Variants in BMP6 observed in about 807,000 individuals in gnomAD.
BMP6 encodes the protein VG-1-R.
Under a neutral mutation model 54.1 loss-of-function variants are expected in BMP6, and 17 were observed. The observed-to-expected ratio is 0.31, with a 90% CI of 0.22 to 0.47. BMP6 has a LOEUF of 0.47. Ranked by LOEUF, BMP6 falls within the 20% of genes least tolerant of loss-of-function variation. BMP6 has a pLI of 1.00. For missense variants in BMP6, 720 were observed against 690.4 expected, an observed-to-expected ratio of 1.04 and a Z score of -0.48; for synonymous variants, 328 against 291.2, an observed-to-expected ratio of 1.13 and a Z score of -1.28.
intron 1 of BMP6, among the ~76,000 whole-genome samples, chr6:7,747,217 G>C (rs1337337440): frequency 1.3e-5 from 2 of 152,224 alleles, no homozygotes; most frequent in Non-Finnish European, 2.9e-5. Context: ...CGTGGGCTTC[G>C]CCTCCTGGTG....
intron 4 of BMP6, among the ~76,000 whole-genome samples, chr6:7,872,367 A>G (rs1440400151): frequency 1.3e-5 from 2 of 152,186 alleles, no homozygotes; most frequent in Non-Finnish European, 2.9e-5. Flanking sequence ...GGCAGACACA[A>G]GTATTCCAAG....
chr6:7,827,399 T>C (rs755860187), intron 1 of BMP6, among the ~76,000 whole-genome samples: 1 of 152,226 alleles, frequency 6.6e-6, no homozygotes, highest in Non-Finnish European at 1.5e-5. Flanking sequence ...TCTCTGGTGC[T>C]ACACCAATAA....
rs1757600038 is a variant in BMP6, at chr6:7,760,731, G to A, written c.664+33112G>A. Among the ~76,000 whole-genome samples, 2 of 152,196 alleles carry A rather than the reference G, an allele frequency of 1.3e-5. 1 individual carries two copies. The highest frequency in any genetic ancestry group is 4.1e-4 in the South Asian group (2 of 4,834). ...GATCTGCCTGCCTTAGCCTCCCAAA[G>A]TGCGGGGATTACAGGCGTGAGCCAC... On this transcript the variant is annotated intron_variant, in intron 1 of 6. Coordinates refer to ENST00000283147, the MANE Select transcript of BMP6 (RefSeq NM_001718.6).
chr6:7,860,185 G>C (rs1342149640), intron 2 of BMP6, among the ~76,000 whole-genome samples: 1 of 152,204 alleles, frequency 6.6e-6, no homozygotes, highest in Non-Finnish European at 1.5e-5. Flanking sequence ...GGTGGAGACC[G>C]TGACACTCTG....
chr6:7,858,566 G>A (rs1054193296), intron 2 of BMP6, among the ~76,000 whole-genome samples: 1 of 151,796 alleles, frequency 6.6e-6, no homozygotes, highest in Non-Finnish European at 1.5e-5. Context: ...GATATGTGAC[G>A]GCTAAGGACC....
intron 4 of BMP6, among the ~76,000 whole-genome samples, chr6:7,870,042 A>C (rs1166858330): frequency 1.3e-5 from 2 of 151,932 alleles, no homozygotes; most frequent in Non-Finnish European, 2.9e-5. Flanking sequence ...GGACAAGAAG[A>C]CTCCATCACT....
intron 2 of BMP6, among the ~76,000 whole-genome samples, chr6:7,857,167 T>C (rs1759254801): frequency 6.6e-6 from 1 of 152,216 alleles, no homozygotes; most frequent in African/African-American, 2.4e-5. Context: ...GGGATAAATC[T>C]TGCCCACAAA....
At chr6:7,780,108 A>G (rs150577890) in intron 1 of BMP6, among the ~76,000 whole-genome samples, 1 of 152,306 alleles carries the variant, frequency 6.6e-6, no homozygotes, top group East Asian at 1.9e-4. Context: ...ACTTCACTGT[A>G]GTGCTCATTT....
chr6:7,766,873 A>G (rs979878590), intron 1 of BMP6, among the ~76,000 whole-genome samples: 5 of 152,260 alleles, frequency 3.3e-5, no homozygotes, highest in East Asian at 1.9e-4. Flanking sequence ...AAAAGAATCA[A>G]ATACCTTCAG....
chr6:7,727,657 C>A, intron 1 of BMP6, 38 bp downstream of exon 1: 1 of 1,478,166 alleles, frequency 6.8e-7, no homozygotes, highest in Non-Finnish European at 8.9e-7. Context: ...AGAACATTTC[C>A]CCCTTTTCAG....
chr6:7,767,319 A>G (rs2113150039), intron 1 of BMP6, among the ~76,000 whole-genome samples: 1 of 152,310 alleles, frequency 6.6e-6, no homozygotes, highest in Middle Eastern at 3.4e-3. Flanking sequence ...TGTGCTTTTT[A>G]TAAAAGATAG....
At chr6:7,784,617 C>A (rs1757996292) in intron 1 of BMP6, among the ~76,000 whole-genome samples, 1 of 152,082 alleles carries the variant, frequency 6.6e-6, no homozygotes, top group African/African-American at 2.4e-5. Flanking sequence ...ACACATTTGG[C>A]AAAATTCATT....
At chr6:7,856,665 C>G (rs1022621199) in intron 2 of BMP6, among the ~76,000 whole-genome samples, 1 of 128,164 alleles carries the variant, frequency 7.8e-6, no homozygotes, top group Non-Finnish European at 1.6e-5. Flanking sequence ...GGCGGGATCT[C>G]GGCTCACTGC....
At chr6:7,843,779 C>T (rs998773837) in intron 1 of BMP6, among the ~76,000 whole-genome samples, 1 of 152,170 alleles carries the variant, frequency 6.6e-6, no homozygotes, top group African/African-American at 2.4e-5. Context: ...ACTTTTCTCA[C>T]ACAGGACTTT....
At chr6:7,838,847 C>G (rs1365168798) in intron 1 of BMP6, among the ~76,000 whole-genome samples, 1 of 149,150 alleles carries the variant, frequency 6.7e-6, no homozygotes, top group Non-Finnish European at 1.5e-5. Flanking sequence ...GAGGCTGAGG[C>G]AGGAGAATGG....
At chr6:7,777,335 G>A (rs1275232962) in intron 1 of BMP6, among the ~76,000 whole-genome samples, 3 of 152,224 alleles carry the variant, frequency 2.0e-5, no homozygotes, top group Non-Finnish European at 4.4e-5. Flanking sequence ...CAAACGGGCA[G>A]CCTTCAAGGC....
chr6:7,735,803 C>A (rs1761946254), intron 1 of BMP6, among the ~76,000 whole-genome samples: 1 of 152,144 alleles, frequency 6.6e-6, no homozygotes, highest in African/African-American at 2.4e-5. Context: ...GTTGCAGATT[C>A]TGTGGATTTG....
chr6:7,792,237 A>G (rs571790325), intron 1 of BMP6, among the ~76,000 whole-genome samples: 2 of 152,300 alleles, frequency 1.3e-5, no homozygotes, highest in African/African-American at 4.8e-5. Flanking sequence ...TAACACCCAC[A>G]TTATCAAGGG....
At chr6:7,797,231 T>G (rs747625311) in intron 1 of BMP6, among the ~76,000 whole-genome samples, 1 of 152,228 alleles carries the variant, frequency 6.6e-6, no homozygotes, top group Non-Finnish European at 1.5e-5. Flanking sequence ...TATTTTTAAA[T>G]GTATGCTCTA....
Sources: gnomAD v4.1 joint callset for allele counts (sites outside exome capture counted in the v4.1 genomes callset) on GRCh38, gnomAD v4.1.1 for gene constraint, MANE v1.5 for transcripts, NCBI Gene and HGNC (gene_info 2026-07-23, HGNC 2026-07-21) for gene names.